Variants in COL20A1 observed in about 807,000 individuals in gnomAD.
COL20A1 encodes the protein collagen alpha-1(XX) chain.
Under a neutral mutation model 152.9 loss-of-function variants are expected in COL20A1, and 164 were observed. The ratio of observed to expected loss-of-function variants is 1.07; its 90% CI spans 0.94 to 1.22. The LOEUF (loss-of-function observed/expected upper bound fraction) is 1.22. COL20A1 is among the 50% of genes most tolerant of loss of function. The pLI is 0.00. For missense variants in COL20A1, 1,873 were observed against 1,744.8 expected, an observed-to-expected ratio of 1.07 and a Z score of -1.31; for synonymous variants, 864 against 756.0, an observed-to-expected ratio of 1.14 and a Z score of -2.34.
chr20:63,328,930 G>T (rs904289956), intron 34 of COL20A1, among the ~76,000 whole-genome samples: 1 of 151,870 alleles, frequency 6.6e-6, no homozygotes, highest in Non-Finnish European at 1.5e-5. Flanking sequence ...CCGTGACCTT[G>T]TTGGTGCTCC....
chr20:63,318,669 C>T (rs765970709), intron 21 of COL20A1, among the ~76,000 whole-genome samples: 34 of 152,182 alleles, frequency 2.2e-4, no homozygotes, highest in Admixed American at 5.2e-4. Context: ...TCTTGGTGAG[C>T]CCTTGCTGGG....
chr20:63,297,821 T>C (rs1418723756), intron 2 of COL20A1, 89 bp from the exon 3 acceptor site: 12 of 993,490 alleles, frequency 1.2e-5, no homozygotes, highest in Non-Finnish European at 1.5e-5. Flanking sequence ...TCCTCCCAAA[T>C]GCTGAGGGCA....
chr20:63,297,430 G>T lies in COL20A1; in HGVS notation c.83-480G>T, dbSNP rs558342394. On this transcript the variant is annotated intron_variant, in intron 2 of 35. Transcript: ENST00000358894. The stretch of plus-strand genomic sequence containing the variant: ...CAGGGGCCCCAGCCCAGGGGACTTA[G>T]CTCAGGGGACCCAGCCCGGGGACTC... Among the ~76,000 whole-genome samples, 11 of 151,822 alleles carry T rather than the reference G, an allele frequency of 7.2e-5. 1 individual carries two copies. In the South Asian group the frequency reaches 2.1e-3, roughly 29 times the overall value.
In COL20A1 at chr20:63,311,548, G is replaced by A. The variant is rs749924520; in HGVS notation, c.1539+9G>A. On this transcript the variant is annotated intron_variant, in intron 12 of 35. Transcript: ENST00000358894. The surrounding 1 kb of genome is among the most constrained non-coding windows in gnomAD (Gnocchi z 4.4). ...AAGAGGAGGAGCGAGAGGTGAGCTG[G>A]GCCGGGGGGTGGCGGGGGAGGCAGA... The A allele has an allele frequency of 1.9e-5, 31 of 1,601,298 alleles. No individual in the cohort carries two copies. The highest frequency in any genetic ancestry group is 2.6e-5 in the Non-Finnish European group (31 of 1,174,876).
In COL20A1 at chr20:63,311,625, G is replaced by A. The variant is rs1194483808; in HGVS notation, c.1540G>A (p.Val514Met). The change falls in exon 13 of 36, where the codon GTG (valine) becomes ATG (methionine). Residue 514 changes from valine (V) to methionine (M), a missense_variant and splice_region_variant. Transcript: ENST00000358894. The surrounding 1 kb of genome is among the most constrained non-coding windows in gnomAD (Gnocchi z 4.4). ...GGCCTGGGACGTCATGTCTCTGCAG[G>A]TGCAGGTCGGGCGGCCCGAGGTGCT... The part of the protein sequence containing the change: ...SPKGEEEERE[V>M]QVGRPEVLLD... 2 of 1,610,380 alleles carry A rather than the reference G, an allele frequency of 1.2e-6. No homozygotes were observed. Among genetic ancestry groups the A allele is most frequent in the East Asian group, 2.2e-5 (1 of 44,860 alleles).
chr20:63,323,485 C>T (rs1601437866), intron 27 of COL20A1, among the ~76,000 whole-genome samples: 1 of 152,170 alleles, frequency 6.6e-6, no homozygotes, highest in South Asian at 2.1e-4. Flanking sequence ...AGGCACTTTT[C>T]GACACTCCCA....
chr20:63,311,765 C>A lies in COL20A1; in HGVS notation c.1663+17C>A. 1 of 1,582,106 alleles carries A rather than the reference C, an allele frequency of 6.3e-7. No homozygotes were observed. The highest frequency in any genetic ancestry group is 8.5e-7 in the Non-Finnish European group (1 of 1,170,464). ...CCAGGACCCGTGAGTGCTCCAACCC[C>A]GGCTGCCTGCCCACAGGCGGGTGCC... is the stretch of plus-strand genomic sequence containing the variant. On this transcript the variant is annotated intron_variant, in intron 13 of 35. Transcript: ENST00000358894. The surrounding 1 kb of genome is among the most constrained non-coding windows in gnomAD (Gnocchi z 4.4).
intron 2 of COL20A1, among the ~76,000 whole-genome samples, chr20:63,296,874 C>T (rs2067800833): frequency 1.3e-5 from 2 of 152,078 alleles, no homozygotes; most frequent in Admixed American, 1.3e-4. Context: ...CCCCAGCTTT[C>T]CGGGGGGCAG....
chr20:63,320,279 C>T lies in COL20A1; in HGVS notation c.3076-12C>T, dbSNP rs1210941504. On this transcript the variant is annotated splice_polypyrimidine_tract_variant and intron_variant, in intron 24 of 35. Coordinates refer to ENST00000358894, the MANE Select transcript of COL20A1 (RefSeq NM_020882.4). Reference sequence around the variant, plus strand: ...TGAGCCCCGGGGCTGAGCCGGCTCCCCTGCGTTGCAGTTTCAGCTCCAGAT... The same window carrying T: ...TGAGCCCCGGGGCTGAGCCGGCTCCTCTGCGTTGCAGTTTCAGCTCCAGAT... 3 of 1,608,884 alleles carry T rather than the reference C, an allele frequency of 1.9e-6. No individual in the cohort carries two copies. In the African/African-American group the frequency reaches 4.0e-5, roughly 21 times the overall value.
rs1188221264 is a variant in COL20A1, at chr20:63,306,539, G to A, written c.496+500G>A. On this transcript the variant is annotated intron_variant, in intron 5 of 35. Transcript: ENST00000358894. The surrounding 1 kb of genome is among the most constrained non-coding windows in gnomAD (Gnocchi z 6.9). ...GGGTGGGTCATGCTCCCCCAGGAGT[G>A]GGATCAGGAGCAGAGCTGGTCCGGG... Among the ~76,000 whole-genome samples, 1 of 152,232 alleles carries A rather than the reference G, an allele frequency of 6.6e-6. No homozygotes were observed. The highest frequency in any genetic ancestry group is 1.5e-5 in the Non-Finnish European group (1 of 68,038).
intron 34 of COL20A1, chr20:63,329,034 C>T (rs1462849844): frequency 1.2e-5 from 2 of 168,724 alleles, no homozygotes; most frequent in South Asian, 1.6e-4. Flanking sequence ...GGGGCGTCCA[C>T]GGGGAGAACA....
intron 6 of COL20A1, 142 bp downstream of exon 6, chr20:63,307,790 G>A (rs2067947116): frequency 8.3e-7 from 1 of 1,202,856 alleles, no homozygotes; most frequent in Non-Finnish European, 1.2e-6. Context: ...CACATGGGGT[G>A]TTCTGGGGAC....
At chr20:63,299,145 A>G (rs766177361) in intron 3 of COL20A1, among the ~76,000 whole-genome samples, 37 of 152,040 alleles carry the variant, frequency 2.4e-4, no homozygotes, top group Non-Finnish European at 4.4e-4. Flanking sequence ...CTCTTCTGCT[A>G]TTGATGGACA....
In COL20A1 at chr20:63,308,597, T is replaced by C; in HGVS notation, c.831T>C (p.Arg277=). The part of the protein sequence containing the change: ...GQNLQPAAGL[R]PEAAKVVILV... The stretch of plus-strand genomic sequence containing the variant: ...ACCTGCAGCCGGCGGCTGGCCTCCG[T>C]CCAGAGGCAGCCAAGGTGGTGATTC... Residue 277 remains arginine (R), a synonymous_variant, in exon 8 of 36, where the codon CGT becomes CGC. Transcript: ENST00000358894. 6.2e-7 allele frequency: 1 copy of C among 1,605,584 alleles called. No individual in the cohort carries two copies. Among genetic ancestry groups the C allele is most frequent in the Non-Finnish European group, 8.5e-7 (1 of 1,176,856 alleles).
At position 63,319,397 on chromosome 20, in the gene COL20A1, C is replaced by T. The variant is rs1254314745; in HGVS notation, c.2807-90C>T. The T allele has an allele frequency of 2.0e-5, 23 of 1,160,894 alleles. No individual in the cohort carries two copies. Among genetic ancestry groups the T allele is most frequent in the Non-Finnish European group, 2.8e-5 (23 of 813,674 alleles). The allele number at this position is 1,160,894 out of a possible 1,614,324, so 71.9% of individuals were successfully genotyped here. A position where few individuals can be genotyped will look rare whatever the true frequency, so the allele number is the denominator to read the frequency against. On this transcript the variant is annotated intron_variant, in intron 22 of 35. Coordinates refer to ENST00000358894, the MANE Select transcript of COL20A1 (RefSeq NM_020882.4). The surrounding 1 kb of genome is among the most constrained non-coding windows in gnomAD (Gnocchi z 4.4). ...CTCCAGCTTGGCACCCTCAGGGCTG[C>T]TCCTGTCCTGTCGTGGGGGCCGCCC...
chr20:63,325,228 G>A (rs1382004473), intron 27 of COL20A1: 8 of 692,918 alleles, frequency 1.2e-5, no homozygotes, highest in Non-Finnish European at 1.9e-5. Flanking sequence ...GGGGTGGCAA[G>A]CGTGACCTTG....
Position 63,325,664 on chromosome 20 carries a change from C to T in COL20A1, c.3349-4C>T. Reference sequence around the variant, plus strand: ...GCCTGGCCGGCCCCTCTGTTCTCTCCCAGGGCCACCCCGGCCACCAGGGCA... The same window carrying T: ...GCCTGGCCGGCCCCTCTGTTCTCTCTCAGGGCCACCCCGGCCACCAGGGCA... On this transcript the variant is annotated splice_region_variant and splice_polypyrimidine_tract_variant and intron_variant, in intron 28 of 35. Coordinates refer to ENST00000358894, the MANE Select transcript of COL20A1 (RefSeq NM_020882.4). 3 of 1,607,966 alleles carry T rather than the reference C, an allele frequency of 1.9e-6. No individual in the cohort carries two copies. Among genetic ancestry groups the T allele is most frequent in the Non-Finnish European group, 2.5e-6 (3 of 1,178,226 alleles).
rs1191666021 is a variant in COL20A1 at position 63,311,540 on chromosome 20, G to T, written c.1539+1G>T. The T allele has an allele frequency of 6.2e-7, 1 of 1,600,044 alleles. No individual in the cohort carries two copies. Among genetic ancestry groups the T allele is most frequent in the South Asian group, 1.1e-5 (1 of 89,018 alleles). ...CAAGGGTGAAGAGGAGGAGCGAGAG[G>T]TGAGCTGGGCCGGGGGGTGGCGGGG... is the stretch of plus-strand genomic sequence containing the variant. On this transcript the variant is annotated splice_donor_variant, in intron 12 of 35. Coordinates refer to ENST00000358894, the MANE Select transcript of COL20A1 (RefSeq NM_020882.4). LOFTEE classifies it high-confidence loss of function. This position sits in a 1 kb window ranked among gnomAD's most constrained non-coding sequence, Gnocchi z 4.4.
At position 63,319,217 on chromosome 20, in the gene COL20A1, G is replaced by A. The variant is rs369297690; in HGVS notation, c.2806+17G>A. On this transcript the variant is annotated intron_variant, in intron 22 of 35. Transcript: ENST00000358894. This position sits in a 1 kb window ranked among gnomAD's most constrained non-coding sequence, Gnocchi z 4.4. ...TGCTGGATGGTGACGTGGGCCCCGC[G>A]TCGCCCCCAGCAGTCAGGAGGAGTA... is the stretch of plus-strand genomic sequence containing the variant. The A allele has an allele frequency of 1.4e-5, 22 of 1,608,398 alleles. No homozygotes were observed. Among genetic ancestry groups the A allele is most frequent in the African/African-American group, 8.0e-5 (6 of 74,588 alleles).
Sources: gnomAD v4.1 joint callset for allele counts (sites outside exome capture counted in the v4.1 genomes callset) on GRCh38, gnomAD v4.1.1 for gene constraint, Gnocchi (gnomAD v3.1) non-coding constraint, MANE v1.5 for transcripts, NCBI Gene and HGNC (gene_info 2026-07-23, HGNC 2026-07-21) for gene names.